Variants in SPEM1 observed in about 807,000 individuals in gnomAD.
SPEM1 encodes spermatid maturation protein 1.
SPEM1 carries 10 observed loss-of-function variants against 9.0 expected under a neutral mutation model. That is an observed-to-expected ratio of 1.11 (90% CI 0.68 to 1.88). The LOEUF (loss-of-function observed/expected upper bound fraction) is 1.88, where lower values mean the gene tolerates loss of function less well. SPEM1 is among the 40% of genes most tolerant of loss of function. The probability of loss-of-function intolerance (pLI) is 0.00; values close to 1 mark genes in which losing one functional copy is unlikely to be tolerated. For synonymous variants in SPEM1, 175 were observed against 157.8 expected (o/e 1.11, Z -0.82); for missense variants, 401 against 408.6 (o/e 0.98, Z 0.16).
rs33989543 is a variant in SPEM1, at chr17:7,421,469, G to C, written c.794G>C (p.Arg265Pro). Residue 265 changes from arginine to proline, a missense_variant, in exon 3 of 3, where the codon CGG becomes CCG. Arg to Pro is a moderately radical substitution (Grantham distance 103). Transcript: ENST00000323675. This position sits in a 1 kb window ranked among gnomAD's most constrained non-coding sequence, Gnocchi z 4.8. ...TCAGGCCGAATAGTGTATGATGCCCGGGACATGAGACGGCGGCTTCGGGAA... is the reference window on the plus strand; with the variant it reads ...TCAGGCCGAATAGTGTATGATGCCCCGGACATGAGACGGCGGCTTCGGGAA... ...RSSGRIVYDA[R>P]DMRRRLRELT... 1 of 1,612,184 alleles carries C rather than the reference G, an allele frequency of 6.2e-7. No homozygotes were observed.
chr17:7,421,270 GGCCT>G lies in SPEM1; in HGVS notation c.596_599del (p.Gly199GlufsTer8). The G allele has an allele frequency of 6.2e-7, 1 of 1,614,142 alleles. No homozygotes were observed. Among genetic ancestry groups the G allele is most frequent in the Non-Finnish European group, 8.5e-7 (1 of 1,180,034 alleles). On this transcript the variant is annotated frameshift_variant, in exon 3 of 3. Transcript: ENST00000323675. LOFTEE classifies it low-confidence loss of function (END_TRUNC). The surrounding 1 kb of genome is among the most constrained non-coding windows in gnomAD (Gnocchi z 4.8). The stretch of plus-strand genomic sequence containing the variant: ...CAAAACAGGCATATGGTCCGAGCTG[GGCCT>G]AAGGGCCTATGTGTATCCTGTGAAC...
Position 7,420,673 on chromosome 17 carries a change from C to T in SPEM1, c.191C>T (p.Thr64Ile). The T allele has an allele frequency of 6.2e-7, 1 of 1,614,026 alleles. No homozygotes were observed. The highest frequency in any genetic ancestry group is 8.5e-7 in the Non-Finnish European group (1 of 1,179,994). The change falls in exon 2 of 3, where the codon ACC becomes ATC. Residue 64 changes from threonine (T) to isoleucine (I), a missense_variant. By Grantham distance (89) the Thr-to-Ile change is moderately conservative. Transcript: ENST00000323675. ...GTCTTATACCAAGTGTTCCATGATA[C>T]CATTTGTGAGAAAGGTAAGAGGTCT... is the stretch of plus-strand genomic sequence containing the variant. ...RGVLYQVFHDTICEKEAPKSS... is the reference protein window; with the variant it reads ...RGVLYQVFHDIICEKEAPKSS...
rs1443380953 is a variant in SPEM1 at position 7,421,159 on chromosome 17, G to C, written c.484G>C (p.Gly162Arg). Residue 162 changes from glycine (G) to arginine (R), a missense_variant, in exon 3 of 3, where the codon GGG becomes CGG. Transcript: ENST00000323675. The surrounding 1 kb of genome is among the most constrained non-coding windows in gnomAD (Gnocchi z 4.8). ...CTGGGAAGGCTTCCAACACACTCAG[G>C]GGACCTGGGTTCCCTGGTCTCAGGA... ...EDWEGFQHTQ[G>R]TWVPWSQDAP... 9 of 1,613,938 alleles carry C rather than the reference G, an allele frequency of 5.6e-6. No homozygotes were observed. The highest frequency in any genetic ancestry group is 7.6e-6 in the Non-Finnish European group (9 of 1,179,916).
Position 7,421,324 on chromosome 17 carries a change from C to G in SPEM1, c.649C>G (p.Pro217Ala). 3 of 1,614,090 alleles carry G rather than the reference C, an allele frequency of 1.9e-6. No homozygotes were observed. Among genetic ancestry groups the G allele is most frequent in the Non-Finnish European group, 2.5e-6 (3 of 1,179,996 alleles). ...CCCCCCACCTCCCAGCCCTGAGGCT[C>G]CTAGCCACAAGAACGGTGGGGAGGG... ...VNPPPPSPEA[P>A]SHKNGGEGAV... The change falls in exon 3 of 3, where the codon CCT becomes GCT. Residue 217 changes from proline (P) to alanine (A), a missense_variant. Physicochemically the swap from Pro to Ala is conservative, Grantham distance 27. Coordinates refer to ENST00000323675, the MANE Select transcript of SPEM1 (RefSeq NM_199339.3). The surrounding 1 kb of genome is among the most constrained non-coding windows in gnomAD (Gnocchi z 4.8).
Position 7,421,236 on chromosome 17 carries a change from A to G in SPEM1, c.561A>G (p.Glu187=). The G allele has an allele frequency of 6.2e-7, 1 of 1,614,164 alleles. No individual in the cohort carries two copies. The highest frequency in any genetic ancestry group is 8.5e-7 in the Non-Finnish European group (1 of 1,180,026). ...QTIRFQPTVE[E]RPLKTGIWSE... ...TCCGCTTCCAGCCTACCGTAGAGGA[A>G]AGGCCCCTCAAAACAGGCATATGGT... The change falls in exon 3 of 3, where the codon GAA becomes GAG. Residue 187 remains glutamate (E), a synonymous_variant. Transcript: ENST00000323675. This position sits in a 1 kb window ranked among gnomAD's most constrained non-coding sequence, Gnocchi z 4.8.
chr17:7,421,304 C>T lies in SPEM1; in HGVS notation c.629C>T (p.Pro210Leu). 1.2e-6 allele frequency: 2 copies of T among 1,614,156 alleles called. No individual in the cohort carries two copies. Among genetic ancestry groups the T allele is most frequent in the South Asian group, 1.1e-5 (1 of 91,082 alleles). Residue 210 changes from proline to leucine, a missense_variant, in exon 3 of 3, where the codon CCA becomes CTA. Pro to Leu is a moderately conservative substitution (Grantham distance 98). Transcript: ENST00000323675. The surrounding 1 kb of genome is among the most constrained non-coding windows in gnomAD (Gnocchi z 4.8). Reference protein sequence around the residue: ...LRAYVYPVNPPPPSPEAPSHK... With the variant: ...LRAYVYPVNPLPPSPEAPSHK... ...GCCTATGTGTATCCTGTGAACCCCC[C>T]ACCTCCCAGCCCTGAGGCTCCTAGC...
At position 7,421,317 on chromosome 17, in the gene SPEM1, T is replaced by C. The variant is rs746347717; in HGVS notation, c.642T>C (p.Pro214=). ...VYPVNPPPPS[P]EAPSHKNGGE... ...CTGTGAACCCCCCACCTCCCAGCCCTGAGGCTCCTAGCCACAAGAACGGTG... is the reference window on the plus strand; with the variant it reads ...CTGTGAACCCCCCACCTCCCAGCCCCGAGGCTCCTAGCCACAAGAACGGTG... The change falls in exon 3 of 3, where the codon CCT becomes CCC. Residue 214 remains proline, a synonymous_variant. Transcript: ENST00000323675. This position sits in a 1 kb window ranked among gnomAD's most constrained non-coding sequence, Gnocchi z 4.8. The C allele has an allele frequency of 2.5e-6, 4 of 1,613,964 alleles. No homozygotes were observed. Among genetic ancestry groups the C allele is most frequent in the South Asian group, 2.2e-5 (2 of 91,078 alleles).
chr17:7,420,432 C>T lies in SPEM1; in HGVS notation c.48C>T (p.Asn16=). 2 of 1,590,258 alleles carry T rather than the reference C, an allele frequency of 1.3e-6. No individual in the cohort carries two copies. Among genetic ancestry groups the T allele is most frequent in the South Asian group, 1.1e-5 (1 of 88,146 alleles). The part of the protein sequence containing the change: ...RPRPEWASYH[N]CNSNSCQDLG... ...GGCCCGAGTGGGCCTCGTATCACAA[C>T]TGCAACAGCAACAGCTGCCAGGACC... Residue 16 remains asparagine (N), a synonymous_variant, in exon 1 of 3, where the codon AAC becomes AAT. Coordinates refer to ENST00000323675, the MANE Select transcript of SPEM1 (RefSeq NM_199339.3).
Position 7,420,355 on chromosome 17 carries a change from C to T in SPEM1, c.-30C>T, listed in dbSNP as rs758348219. 41 of 1,474,618 alleles carry T rather than the reference C, an allele frequency of 2.8e-5. No individual in the cohort carries two copies. In the Admixed American group the frequency reaches 3.7e-4, roughly 13 times the overall value. The allele number at this position is 1,474,618 out of a possible 1,614,324, so 91.3% of individuals were successfully genotyped here. On this transcript the variant is annotated 5_prime_UTR_variant, in exon 1 of 3. Transcript: ENST00000323675. Reference sequence around the variant, plus strand: ...CACTGTCGGCACGGTGGGCTGGGGGCGTAAGGGCCCCGGTGGTCCTAGGGA... The same window carrying T: ...CACTGTCGGCACGGTGGGCTGGGGGTGTAAGGGCCCCGGTGGTCCTAGGGA...
rs890933106 is a variant in SPEM1, at chr17:7,420,623, C to T, written c.145-4C>T. ...CTGGGATCACTGTGTCTTCCCCCAC[C>T]TAGCTCTGGAGCCGATTCCGTGGTG... On this transcript the variant is annotated splice_polypyrimidine_tract_variant and splice_region_variant and intron_variant, in intron 1 of 2. Coordinates refer to ENST00000323675, the MANE Select transcript of SPEM1 (RefSeq NM_199339.3). 2 of 1,614,152 alleles carry T rather than the reference C, an allele frequency of 1.2e-6. No homozygotes were observed. Among genetic ancestry groups the T allele is most frequent in the Non-Finnish European group, 1.7e-6 (2 of 1,180,008 alleles).
Position 7,421,279 on chromosome 17 carries a change from G to T in SPEM1, c.604G>T (p.Ala202Ser). 6.2e-7 allele frequency: 1 copy of T among 1,614,160 alleles called. No individual in the cohort carries two copies. The highest frequency in any genetic ancestry group is 1.1e-5 in the South Asian group (1 of 91,084). Residue 202 changes from alanine (A) to serine (S), a missense_variant, in exon 3 of 3, where the codon GCC becomes TCC. Transcript: ENST00000323675. The surrounding 1 kb of genome is among the most constrained non-coding windows in gnomAD (Gnocchi z 4.8). ...CATATGGTCCGAGCTGGGCCTAAGG[G>T]CCTATGTGTATCCTGTGAACCCCCC... ...TGIWSELGLRAYVYPVNPPPP... is the reference protein window; with the variant it reads ...TGIWSELGLRSYVYPVNPPPP...
Position 7,420,525 on chromosome 17 carries a change from C to A in SPEM1, c.141C>A (p.Thr47=), listed in dbSNP as rs762697720. Residue 47 remains threonine, a synonymous_variant, in exon 1 of 3, where the codon ACC becomes ACA. Transcript: ENST00000323675. ...ICINISINIV[T]LLWSRFRGVL... is the part of the protein sequence containing the mutation. ...TTAACATTAGCATCAATATAGTGAC[C>A]CTGGTCAGGGTGGGGCCAGATGGGA... is the stretch of plus-strand genomic sequence containing the variant. 19 of 1,612,910 alleles carry A rather than the reference C, an allele frequency of 1.2e-5. No homozygotes were observed. The South Asian group carries it at 2.0e-4, about 17-fold the overall frequency.
In SPEM1 at chr17:7,420,527, T is replaced by A; in HGVS notation, c.143T>A (p.Leu48Gln). 6.2e-7 allele frequency: 1 copy of A among 1,613,116 alleles called. No individual in the cohort carries two copies. Among genetic ancestry groups the A allele is most frequent in the Non-Finnish European group, 8.5e-7 (1 of 1,179,274 alleles). ...AACATTAGCATCAATATAGTGACCCTGGTCAGGGTGGGGCCAGATGGGAGG... is the reference window on the plus strand; with the variant it reads ...AACATTAGCATCAATATAGTGACCCAGGTCAGGGTGGGGCCAGATGGGAGG... Reference protein sequence around the residue: ...CINISINIVTLLWSRFRGVLY... With the variant: ...CINISINIVTQLWSRFRGVLY... The change falls in exon 1 of 3, where the codon CTG (leucine) becomes CAG (glutamine). Residue 48 changes from leucine to glutamine, a missense_variant and splice_region_variant. Leu to Gln is a moderately radical substitution (Grantham distance 113). Coordinates refer to ENST00000323675, the MANE Select transcript of SPEM1 (RefSeq NM_199339.3).
chr17:7,420,922 C>A lies in SPEM1; in HGVS notation c.247C>A (p.Pro83Thr). 1 of 1,614,068 alleles carries A rather than the reference C, an allele frequency of 6.2e-7. No homozygotes were observed. Among genetic ancestry groups the A allele is most frequent in the Non-Finnish European group, 8.5e-7 (1 of 1,180,000 alleles). Residue 83 changes from proline to threonine, a missense_variant, in exon 3 of 3, where the codon CCT becomes ACT. Pro to Thr is a conservative substitution (Grantham distance 38). Transcript: ENST00000323675. ...SSLLRKQTQP[P>T]KKQSSPAVHL... Reference sequence around the variant, plus strand: ...ATTACTCAGAAAGCAGACCCAGCCCCCTAAGAAGCAGAGTTCTCCTGCAGT... The same window carrying A: ...ATTACTCAGAAAGCAGACCCAGCCCACTAAGAAGCAGAGTTCTCCTGCAGT...
rs1907396442 is a variant in SPEM1, at chr17:7,421,350, G to T, written c.675G>T (p.Gly225=). 1.2e-6 allele frequency: 2 copies of T among 1,613,718 alleles called. No homozygotes were observed. Among genetic ancestry groups the T allele is most frequent in the Non-Finnish European group, 1.7e-6 (2 of 1,179,858 alleles). Reference sequence around the variant, plus strand: ...CTAGCCACAAGAACGGTGGGGAGGGGGCGGTGCCAGAGGCAGAGGCGGCTC... The same window carrying T: ...CTAGCCACAAGAACGGTGGGGAGGGTGCGGTGCCAGAGGCAGAGGCGGCTC... ...EAPSHKNGGE[G]AVPEAEAAQY... is the part of the protein sequence containing the mutation. Residue 225 remains glycine, a synonymous_variant, in exon 3 of 3, where the codon GGG becomes GGT. Coordinates refer to ENST00000323675, the MANE Select transcript of SPEM1 (RefSeq NM_199339.3). This position sits in a 1 kb window ranked among gnomAD's most constrained non-coding sequence, Gnocchi z 4.8.
chr17:7,421,476 G>C lies in SPEM1; in HGVS notation c.801G>C (p.Met267Ile). 1 of 1,611,964 alleles carries C rather than the reference G, an allele frequency of 6.2e-7. No homozygotes were observed. Among genetic ancestry groups the C allele is most frequent in the Non-Finnish European group, 8.5e-7 (1 of 1,179,406 alleles). ...SGRIVYDARD[M>I]RRRLRELTRE... ...GAATAGTGTATGATGCCCGGGACAT[G>C]AGACGGCGGCTTCGGGAACTGACCC... Residue 267 changes from methionine (M) to isoleucine (I), a missense_variant, in exon 3 of 3, where the codon ATG (methionine) becomes ATC (isoleucine). Transcript: ENST00000323675. The surrounding 1 kb of genome is among the most constrained non-coding windows in gnomAD (Gnocchi z 4.8).
Position 7,420,496 on chromosome 17 carries a change from T to A in SPEM1, c.112T>A (p.Cys38Ser). The A allele has an allele frequency of 6.2e-7, 1 of 1,612,484 alleles. No individual in the cohort carries two copies. The highest frequency in any genetic ancestry group is 8.5e-7 in the Non-Finnish European group (1 of 1,179,058). The change falls in exon 1 of 3, where the codon TGC (cysteine) becomes AGC (serine). Residue 38 changes from cysteine (C) to serine (S), a missense_variant. Coordinates refer to ENST00000323675, the MANE Select transcript of SPEM1 (RefSeq NM_199339.3). ...CCTGTTGCTGCTGGGCCTCATCATC[T>A]GCATTAACATTAGCATCAATATAGT... ...SVLLLLGLII[C>S]INISINIVTL...
At position 7,420,341 on chromosome 17, in the gene SPEM1, C is replaced by A. The variant is rs374537146; in HGVS notation, c.-44C>A. On this transcript the variant is annotated 5_prime_UTR_variant, in exon 1 of 3. Coordinates refer to ENST00000323675, the MANE Select transcript of SPEM1 (RefSeq NM_199339.3). ...AGGCAGTCAGTGGACACTGTCGGCA[C>A]GGTGGGCTGGGGGCGTAAGGGCCCC... 2 of 1,466,922 alleles carry A rather than the reference C, an allele frequency of 1.4e-6. No individual in the cohort carries two copies. Among genetic ancestry groups the A allele is most frequent in the Admixed American group, 2.7e-5 (1 of 37,026 alleles). The allele number at this position is 1,466,922 out of a possible 1,614,324, so 90.9% of individuals were successfully genotyped here.
intron 2 of SPEM1, 36 bp from the exon 3 acceptor site, chr17:7,420,845 G>A: frequency 6.2e-7 from 1 of 1,607,812 alleles, no homozygotes; most frequent in Non-Finnish European, 8.5e-7. Context: ...GTAGGAGCTG[G>A]CCTCCCCACT....
Sources: gnomAD v4.1 joint callset for allele counts on GRCh38, gnomAD v4.1.1 for gene constraint, Gnocchi (gnomAD v3.1) non-coding constraint, MANE v1.5 for transcripts, NCBI Gene and HGNC (gene_info 2026-07-23, HGNC 2026-07-21) for gene names.